Variants in MTX3 observed in about 807,000 individuals in gnomAD.
MTX3 encodes metaxin-3.
MTX3 carries 27 observed loss-of-function variants against 42.5 expected under a neutral mutation model. That is an observed-to-expected ratio of 0.64 (90% CI 0.47 to 0.88). MTX3 has a LOEUF of 0.88. Among genes scored for constraint, MTX3 ranks in the 40% least tolerant of loss-of-function variants. The probability of loss-of-function intolerance (pLI) is 0.00; values close to 1 mark genes in which losing one functional copy is unlikely to be tolerated. For synonymous variants in MTX3, 144 were observed against 132.9 expected, an observed-to-expected ratio of 1.08 and a Z score of -0.57; for missense variants, 378 against 367.0, an observed-to-expected ratio of 1.03 and a Z score of -0.25.
chr5:79,988,200 T>G (rs1343846194), intron 6 of MTX3, 39 bp downstream of exon 6: 1 of 1,152,852 alleles, frequency 8.7e-7, no homozygotes, highest in South Asian at 1.3e-5. Flanking sequence ...TGAATATATG[T>G]GCACAAAATA....
At position 79,983,419 on chromosome 5, in the gene MTX3, G is replaced by C; in HGVS notation, c.*265C>G. The C allele has an allele frequency of 2.3e-6, 1 of 441,572 alleles. No homozygotes were observed. The highest frequency in any genetic ancestry group is 4.1e-6 in the Non-Finnish European group (1 of 246,536). The allele number at this position is 441,572 out of a possible 1,614,324, so 27.4% of individuals were successfully genotyped here. A position where few individuals can be genotyped will look rare whatever the true frequency, so the allele number is the denominator to read the frequency against. The stretch of plus-strand genomic sequence containing the variant: ...GCAAAAATCTGCCATGATTAAGGCA[G>C]TTCTTTGTATACAGTACGATGTGTT... On this transcript the variant is annotated 3_prime_UTR_variant, in exon 9 of 9. Transcript: ENST00000512528.
At chr5:79,984,866 A>G (rs1831453112) in intron 8 of MTX3, among the ~76,000 whole-genome samples, 1 of 152,246 alleles carries the variant, frequency 6.6e-6, no homozygotes, top group Non-Finnish European at 1.5e-5. Flanking sequence ...TTTCATGTGG[A>G]AAGAAGAAAA....
rs1831532925 is a variant in MTX3 at position 79,987,817 on chromosome 5, T to A, written c.581+422A>T. 2.0e-5 allele frequency among the ~76,000 whole-genome samples: 3 copies of A among 152,194 alleles called. No individual in the cohort carries two copies. In the South Asian group the frequency reaches 6.2e-4, roughly 32 times the overall value. Reference sequence around the variant, plus strand: ...AAAAGCCCATTAAATTTTTTTCTTGTTTGTTTTGGTTTTTTGACATGGAGT... The same window carrying A: ...AAAAGCCCATTAAATTTTTTTCTTGATTGTTTTGGTTTTTTGACATGGAGT... On this transcript the variant is annotated intron_variant, in intron 6 of 8. Coordinates refer to ENST00000512528, the MANE Select transcript of MTX3 (RefSeq NM_001363818.2).
intron 6 of MTX3, among the ~76,000 whole-genome samples, chr5:79,987,706 G>A (rs146994284): frequency 9.7e-4 from 147 of 152,140 alleles, no homozygotes; most frequent in African/African-American, 3.4e-3. Flanking sequence ...AGGCAGAGTG[G>A]GAACAGTCTG....
At chr5:79,989,342 T>C (rs1439831156) in intron 3 of MTX3, 98 bp from the exon 4 acceptor site, 5 of 718,604 alleles carry the variant, frequency 7.0e-6, no homozygotes, top group East Asian at 2.8e-5. Flanking sequence ...TCCTTACAAA[T>C]AGCAAACGTG....
chr5:79,990,529 A>G, intron 2 of MTX3, 65 bp downstream of exon 2: 1 of 1,066,322 alleles, frequency 9.4e-7, no homozygotes, highest in East Asian at 2.5e-5. Flanking sequence ...TATATACCTC[A>G]CAGCTTTAAA....
At chr5:79,988,102 C>A (rs1831539478) in intron 6 of MTX3, 137 bp downstream of exon 6, 1 of 637,622 alleles carries the variant, frequency 1.6e-6, no homozygotes. Context: ...CAGGTATGAG[C>A]CACCACACCG....
intron 1 of MTX3, 128 bp from the exon 2 acceptor site, chr5:79,990,791 G>A (rs1258291287): frequency 3.0e-5 from 23 of 777,854 alleles, no homozygotes; most frequent in Non-Finnish European, 5.0e-5. Flanking sequence ...ATCCCTCCCC[G>A]TGATCTCAAG....
chr5:79,991,123 T>G, intron 1 of MTX3, 35 bp downstream of exon 1: 2 of 1,542,972 alleles, frequency 1.3e-6, no homozygotes, highest in Non-Finnish European at 1.8e-6. Flanking sequence ...GCCCCGCCCC[T>G]TCCTCCTGCG....
In MTX3 at chr5:79,990,582, T is replaced by A; in HGVS notation, c.151+12A>T. On this transcript the variant is annotated intron_variant, in intron 2 of 8. Coordinates refer to ENST00000512528, the MANE Select transcript of MTX3 (RefSeq NM_001363818.2). ...GAGTGCAGAAAGGGGAGTGTAAAGG[T>A]TTACACTATACCTCTTGAACCTCTC... 1 of 1,571,374 alleles carries A rather than the reference T, an allele frequency of 6.4e-7. No individual in the cohort carries two copies. The highest frequency in any genetic ancestry group is 8.7e-7 in the Non-Finnish European group (1 of 1,152,988).
intron 3 of MTX3, among the ~76,000 whole-genome samples, chr5:79,989,899 C>T (rs1442389811): frequency 1.3e-5 from 2 of 152,130 alleles, no homozygotes; most frequent in African/African-American, 4.8e-5. Flanking sequence ...GTGAAAATGG[C>T]TAATTAAATC....
In MTX3 at chr5:79,985,643, T is replaced by C. The variant is rs776995464; in HGVS notation, c.756A>G (p.Gly252=). 8.7e-6 allele frequency: 14 copies of C among 1,612,646 alleles called. No homozygotes were observed. The highest frequency in any genetic ancestry group is 1.7e-5 in the Admixed American group (1 of 59,940). Residue 252 remains glycine (G), a synonymous_variant, in exon 8 of 9, where the codon GGA becomes GGG. Transcript: ENST00000512528. ...RLSLGGISPA[G]QETVDANLQK... ...GCAGATTTGCATCTACCGTTTCTTGTCCAGCTGGAGAGATGCCTAAGAAGC... is the reference window on the plus strand; with the variant it reads ...GCAGATTTGCATCTACCGTTTCTTGCCCAGCTGGAGAGATGCCTAAGAAGC...
At chr5:79,984,572 C>A (rs1057434199) in intron 8 of MTX3, among the ~76,000 whole-genome samples, 3 of 151,920 alleles carry the variant, frequency 2.0e-5, no homozygotes, top group African/African-American at 7.3e-5. Context: ...TGTCATCAGG[C>A]CTCATTGCCC....
At position 79,983,800 on chromosome 5, in the gene MTX3, G is replaced by T; in HGVS notation, c.829-6C>A. The T allele has an allele frequency of 1.2e-6, 2 of 1,600,864 alleles. No individual in the cohort carries two copies. Among genetic ancestry groups the T allele is most frequent in the Non-Finnish European group, 1.7e-6 (2 of 1,168,574 alleles). ...TGGCGAAGATTGTCATCCATCTGTAGAAAGTACAAAAGATACATCTGACTA... is the reference window on the plus strand; with the variant it reads ...TGGCGAAGATTGTCATCCATCTGTATAAAGTACAAAAGATACATCTGACTA... On this transcript the variant is annotated splice_region_variant and splice_polypyrimidine_tract_variant and intron_variant, in intron 8 of 8. Coordinates refer to ENST00000512528, the MANE Select transcript of MTX3 (RefSeq NM_001363818.2).
In MTX3 at chr5:79,982,406, T is replaced by C. The variant is rs990427108; in HGVS notation, c.*1278A>G. On this transcript the variant is annotated 3_prime_UTR_variant, in exon 9 of 9. Coordinates refer to ENST00000512528, the MANE Select transcript of MTX3 (RefSeq NM_001363818.2). ...AAGCTCATTTTCTTAACATATGGGT[T>C]CCTGCACGACTTGATAAGATTTGCT... 1 of 456,660 alleles carries C rather than the reference T, an allele frequency of 2.2e-6. No homozygotes were observed. Among genetic ancestry groups the C allele is most frequent in the Admixed American group, 2.3e-5 (1 of 42,576 alleles). 28.3% of individuals were successfully genotyped at this position (456,660 alleles called of 1,614,324 possible). A position where few individuals can be genotyped will look rare whatever the true frequency, so the allele number is the denominator to read the frequency against.
intron 1 of MTX3, 153 bp from the exon 2 acceptor site, chr5:79,990,816 C>T: frequency 1.3e-6 from 1 of 741,630 alleles, no homozygotes; most frequent in South Asian, 1.5e-5. Context: ...GACGCGGGCG[C>T]CAGCCACCCG....
rs77045796 is a variant in MTX3 at position 79,984,181 on chromosome 5, G to A, written c.829-387C>T. On this transcript the variant is annotated intron_variant, in intron 8 of 8. Transcript: ENST00000512528. ...GTATCTTATTTGATCTTCCCGATAC[G>A]CTATGAAGAAAAGGCAGACACAGAC... Among the ~76,000 whole-genome samples the A allele has an allele frequency of 1.6e-4, 25 of 152,188 alleles. No individual in the cohort carries two copies. In the East Asian group the frequency reaches 4.6e-3, roughly 28 times the overall value.
Position 79,980,982 on chromosome 5 carries a change from G to A in MTX3, c.*2702C>T, listed in dbSNP as rs1014363200. 2.0e-5 allele frequency: 3 copies of A among 152,158 alleles called. No individual in the cohort carries two copies. The highest frequency in any genetic ancestry group is 3.4e-3 in the Middle Eastern group (1 of 294). The allele number at this position is 152,158 out of a possible 1,614,324, so 9.4% of individuals were successfully genotyped here. A position where few individuals can be genotyped will look rare whatever the true frequency, so the allele number is the denominator to read the frequency against. On this transcript the variant is annotated 3_prime_UTR_variant, in exon 9 of 9. Transcript: ENST00000512528. The stretch of plus-strand genomic sequence containing the variant: ...GGTCAGGAGTTCAAGACCAGCCTGA[G>A]CAACATGGTGAAACCCCGTCTCGAC...
chr5:79,981,853 C>T lies in MTX3; in HGVS notation c.*1831G>A, dbSNP rs1831382073. On this transcript the variant is annotated 3_prime_UTR_variant, in exon 9 of 9. Coordinates refer to ENST00000512528, the MANE Select transcript of MTX3 (RefSeq NM_001363818.2). Reference sequence around the variant, plus strand: ...ATACTTGTAATATACATGTAATGTACTTGTACGTTATAACTGTAATATATT... The same window carrying T: ...ATACTTGTAATATACATGTAATGTATTTGTACGTTATAACTGTAATATATT... 6.6e-6 allele frequency: 1 copy of T among 151,798 alleles called. No homozygotes were observed. The highest frequency in any genetic ancestry group is 2.4e-5 in the African/African-American group (1 of 41,280). 9.4% of individuals were successfully genotyped at this position (151,798 alleles called of 1,614,324 possible).
Sources: allele counts gnomAD v4.1 joint callset (sites outside exome capture counted in the v4.1 genomes callset), GRCh38; gene constraint gnomAD v4.1.1; transcripts MANE v1.5; gene names NCBI Gene and HGNC (gene_info 2026-07-23, HGNC 2026-07-21).